Variants in CTDSPL2 observed in about 807,000 individuals in gnomAD.
The protein encoded by CTDSPL2 is CTD small phosphatase-like protein 2.
CTDSPL2 carries 5 observed loss-of-function variants against 60.0 expected under a neutral mutation model. The ratio of observed to expected loss-of-function variants is 0.08; its 90% CI spans 0.04 to 0.18. The LOEUF (loss-of-function observed/expected upper bound fraction) is 0.18. Ranked by LOEUF, CTDSPL2 falls within the 10% of genes least tolerant of loss-of-function variation. CTDSPL2 has a pLI of 1.00. For synonymous variants in CTDSPL2, 186 were observed against 189.3 expected (o/e 0.98, Z 0.14); for missense variants, 370 against 548.8 (o/e 0.67, Z 3.26).
intron 4 of CTDSPL2, 55 bp downstream of exon 4, chr15:44,486,755 TG>T: frequency 8.2e-6 from 10 of 1,216,060 alleles, no homozygotes; most frequent in South Asian, 3.0e-5. Context: ...ATGCATAGTT[TG>T]GGTTTTTTTT....
intron 11 of CTDSPL2, chr15:44,520,830 C>G (rs751086370): frequency 6.6e-6 from 1 of 151,996 alleles, no homozygotes; most frequent in Non-Finnish European, 1.5e-5. Context: ...TGTTAAGTTT[C>G]TACTATATTT....
At chr15:44,470,046 C>T (rs538926933) in intron 2 of CTDSPL2, among the ~76,000 whole-genome samples, 11 of 141,948 alleles carry the variant, frequency 7.7e-5, no homozygotes, top group Non-Finnish European at 1.5e-4. Flanking sequence ...TGCAGTGAGC[C>T]GAGATCACGC....
chr15:44,519,149 GTTTTTA>G lies in CTDSPL2; in HGVS notation c.1113-12_1113-7del, dbSNP rs1567106234. ...TTAGAAAGTTTTTTTTTTTTAATTT[GTTTTTA>G]TTTTTATGTTTAGGCACCGGCTTTT... is the stretch of plus-strand genomic sequence containing the variant. On this transcript the variant is annotated splice_polypyrimidine_tract_variant and intron_variant, in intron 10 of 12. Transcript: ENST00000260327. The G allele has an allele frequency of 7.0e-7, 1 of 1,424,490 alleles. No individual in the cohort carries two copies. The allele number at this position is 1,424,490 out of a possible 1,614,324, so 88.2% of individuals were successfully genotyped here.
At position 44,464,815 on chromosome 15, in the gene CTDSPL2, C is replaced by G. The variant is rs116890296; in HGVS notation, c.186+5615C>G. ...TGTCTCCTGGATTCAAGCGATTTCT[C>G]GTGCCTCAGCCTCCTGGATAGCTGG... On this transcript the variant is annotated intron_variant, in intron 2 of 12. Coordinates refer to ENST00000260327, the MANE Select transcript of CTDSPL2 (RefSeq NM_016396.3). Among the ~76,000 whole-genome samples the G allele has an allele frequency of 3.8e-3, 576 of 152,294 alleles. 14 individuals are homozygous for G. Among genetic ancestry groups the G allele is most frequent in the East Asian group, 0.038 (195 of 5,184 alleles).
chr15:44,523,061 A>G (rs1000383750), intron 12 of CTDSPL2, among the ~76,000 whole-genome samples: 2 of 151,916 alleles, frequency 1.3e-5, no homozygotes, highest in Non-Finnish European at 2.9e-5. Flanking sequence ...CAGTGGCGCA[A>G]TCTCGGCTCA....
intron 1 of CTDSPL2, among the ~76,000 whole-genome samples, chr15:44,449,769 C>T (rs1335069247): frequency 2.0e-5 from 3 of 151,916 alleles, no homozygotes; most frequent in Non-Finnish European, 4.4e-5. Context: ...AAGGATGAAT[C>T]ACTTTGAGGT....
intron 1 of CTDSPL2, chr15:44,448,409 G>T (rs2080263997): frequency 4.0e-6 from 1 of 249,034 alleles, no homozygotes; most frequent in East Asian, 1.1e-4. Context: ...TCCACACCAT[G>T]GCCCAGGCCT....
At chr15:44,438,918 T>C (rs889472281) in intron 1 of CTDSPL2, among the ~76,000 whole-genome samples, 3 of 152,166 alleles carry the variant, frequency 2.0e-5, no homozygotes, top group African/African-American at 4.8e-5. Flanking sequence ...TTTGTATTCC[T>C]GAAAGGAGAT....
intron 1 of CTDSPL2, among the ~76,000 whole-genome samples, chr15:44,449,964 C>G (rs2080301338): frequency 6.7e-6 from 1 of 148,722 alleles, no homozygotes; most frequent in Non-Finnish European, 1.5e-5. Context: ...GCACTCTTGC[C>G]TGGGTGACAG....
chr15:44,449,836 C>G (rs538817086), intron 1 of CTDSPL2, among the ~76,000 whole-genome samples: 2 of 151,898 alleles, frequency 1.3e-5, no homozygotes, highest in East Asian at 3.9e-4. Flanking sequence ...ACTAAAAATA[C>G]GAAAATTTGC....
At chr15:44,511,308 T>G (rs1284801338) in intron 8 of CTDSPL2, among the ~76,000 whole-genome samples, 1 of 152,242 alleles carries the variant, frequency 6.6e-6, no homozygotes, top group African/African-American at 2.4e-5. Flanking sequence ...GCATGTTATA[T>G]TTAAGTATAG....
In CTDSPL2 at chr15:44,528,243, T is replaced by C. The variant is rs2081901846; in HGVS notation, c.*4069T>C. ...TCAGTTGATCCCGAAACCTGACCAT[T>C]AGAATTACTCTGAGGAGCTTTTAAA... On this transcript the variant is annotated 3_prime_UTR_variant, in exon 13 of 13. Coordinates refer to ENST00000260327, the MANE Select transcript of CTDSPL2 (RefSeq NM_016396.3). 6.6e-6 allele frequency: 1 copy of C among 152,158 alleles called. No homozygotes were observed. The highest frequency in any genetic ancestry group is 6.6e-5 in the Admixed American group (1 of 15,266). The allele number at this position is 152,158 out of a possible 1,614,324, so 9.4% of individuals were successfully genotyped here. A position where few individuals can be genotyped will look rare whatever the true frequency, so the allele number is the denominator to read the frequency against.
intron 5 of CTDSPL2, among the ~76,000 whole-genome samples, chr15:44,494,597 CAA>C (rs35844626): frequency 7.1e-6 from 1 of 140,500 alleles, no homozygotes. Flanking sequence ...GACCCTGTCT[CAA>C]AAAAAAAAAG....
chr15:44,444,349 A>G (rs1002152306), intron 1 of CTDSPL2, among the ~76,000 whole-genome samples: 2 of 151,554 alleles, frequency 1.3e-5, no homozygotes, highest in Admixed American at 6.6e-5. Flanking sequence ...ACAGACACAG[A>G]GACACATTTT....
intron 1 of CTDSPL2, among the ~76,000 whole-genome samples, chr15:44,440,488 G>A (rs1038313531): frequency 1.3e-5 from 2 of 151,960 alleles, no homozygotes; most frequent in African/African-American, 4.8e-5. Context: ...GAGCCACTGC[G>A]CCTGGTCCTG....
Position 44,466,234 on chromosome 15 carries a change from G to T in CTDSPL2, c.186+7034G>T, listed in dbSNP as rs533660125. 2.6e-5 allele frequency among the ~76,000 whole-genome samples: 4 copies of T among 152,172 alleles called. No homozygotes were observed. In the East Asian group the frequency reaches 7.8e-4, roughly 30 times the overall value. On this transcript the variant is annotated intron_variant, in intron 2 of 12. Transcript: ENST00000260327. ...TTACAGGCGTGAGCCACCGCGCCTG[G>T]CCAGAACTCTTGACCTCAAGTGATT...
intron 2 of CTDSPL2, among the ~76,000 whole-genome samples, chr15:44,461,801 G>A (rs2080577612): frequency 6.6e-6 from 1 of 152,142 alleles, no homozygotes; most frequent in African/African-American, 2.4e-5. Flanking sequence ...TTAAATGGAA[G>A]TAGAGCATCA....
At chr15:44,521,270 TATAAG>T in intron 11 of CTDSPL2, 36 bp from the exon 12 acceptor site, 1 of 989,368 alleles carries the variant, frequency 1.0e-6, no homozygotes, top group South Asian at 1.5e-5. Flanking sequence ...CTAGGTAAAA[TATAAG>T]TAAAAGAGGA....
chr15:44,455,963 G>C (rs1410655085), intron 1 of CTDSPL2, among the ~76,000 whole-genome samples: 1 of 141,166 alleles, frequency 7.1e-6, no homozygotes, highest in African/African-American at 2.6e-5. Flanking sequence ...CCATTCTCCT[G>C]CCTCAGCCTC....
Sources: allele counts gnomAD v4.1 joint callset (sites outside exome capture counted in the v4.1 genomes callset), GRCh38; gene constraint gnomAD v4.1.1; transcripts MANE v1.5; gene names NCBI Gene and HGNC (gene_info 2026-07-23, HGNC 2026-07-21).